The following CNTN5 variants were observed in gnomAD, a reference collection of about 807,000 sequenced individuals.
CNTN5 encodes contactin-5.
In CNTN5, 77 loss-of-function variants were observed where a neutral mutation model predicts 129.1. The observed-to-expected ratio is 0.60, with a 90% CI of 0.50 to 0.72. CNTN5 has a LOEUF of 0.72. Ranked by LOEUF, CNTN5 falls within the 30% of genes least tolerant of loss-of-function variation. CNTN5 has a pLI of 0.00. For synonymous variants in CNTN5, 509 were observed against 465.6 expected (o/e 1.09, Z -1.20); for missense variants, 1,478 against 1,328.8 (o/e 1.11, Z -1.75).
intron 3 of CNTN5, among the ~76,000 whole-genome samples, chr11:99,609,995 T>C (rs73539192): frequency 0.025 from 3,745 of 152,234 alleles, 164 homozygotes; most frequent in African/African-American, 0.085. Context: ...CCTTATAACA[T>C]GTTTATAAGA....
At chr11:99,355,653 A>G (rs1358459902) in intron 2 of CNTN5, among the ~76,000 whole-genome samples, 1 of 152,048 alleles carries the variant, frequency 6.6e-6, no homozygotes, top group Non-Finnish European at 1.5e-5. Flanking sequence ...AAAATTTTGA[A>G]AAGTGGTTTT....
At chr11:99,732,084 G>A (rs1331693454) in intron 3 of CNTN5, among the ~76,000 whole-genome samples, 1 of 152,144 alleles carries the variant, frequency 6.6e-6, no homozygotes, top group Non-Finnish European at 1.5e-5. Context: ...AAGACAAATA[G>A]TTGAATTCAT....
At chr11:99,177,704 A>G (rs1245701891) in intron 1 of CNTN5, among the ~76,000 whole-genome samples, 1 of 152,204 alleles carries the variant, frequency 6.6e-6, no homozygotes, top group Non-Finnish European at 1.5e-5. Context: ...GAGAAGGAAA[A>G]AAATGTATAT....
intron 1 of CNTN5, among the ~76,000 whole-genome samples, chr11:99,276,127 T>C (rs1036393333): frequency 1.3e-5 from 2 of 151,692 alleles, no homozygotes; most frequent in Non-Finnish European, 3.0e-5. Flanking sequence ...CTTTTCTCAA[T>C]TATCTCATTG....
intron 3 of CNTN5, among the ~76,000 whole-genome samples, chr11:99,595,497 A>C (rs543437184): frequency 6.6e-6 from 1 of 152,280 alleles, no homozygotes; most frequent in Non-Finnish European, 1.5e-5. Flanking sequence ...CTTTTAAACA[A>C]GTATCAACAT....
At chr11:99,759,868 C>T (rs986329081) in intron 3 of CNTN5, among the ~76,000 whole-genome samples, 43 of 151,936 alleles carry the variant, frequency 2.8e-4, no homozygotes, top group Admixed American at 2.1e-3. Context: ...ATGAAGAACA[C>T]GTGAAATATT....
At chr11:99,730,723 A>G (rs1478572887) in intron 3 of CNTN5, among the ~76,000 whole-genome samples, 2 of 152,230 alleles carry the variant, frequency 1.3e-5, no homozygotes, top group South Asian at 4.1e-4. Context: ...GTGATGATGC[A>G]TGCATACAAT....
intron 3 of CNTN5, among the ~76,000 whole-genome samples, chr11:99,637,194 T>G (rs1451573996): frequency 6.6e-6 from 1 of 151,626 alleles, no homozygotes; most frequent in Non-Finnish European, 1.5e-5. Flanking sequence ...TGAGACAGTT[T>G]ATAGTAGCAA....
intron 6 of CNTN5, among the ~76,000 whole-genome samples, chr11:99,909,346 C>G (rs888838099): frequency 6.6e-6 from 1 of 152,092 alleles, no homozygotes; most frequent in Admixed American, 6.6e-5. Flanking sequence ...AATAGGAACA[C>G]TTTTACACTG....
At chr11:99,367,947 C>T (rs1247098581) in intron 2 of CNTN5, among the ~76,000 whole-genome samples, 4 of 152,052 alleles carry the variant, frequency 2.6e-5, no homozygotes, top group African/African-American at 9.7e-5. Flanking sequence ...TTTATTAAGG[C>T]TATCCCAATT....
intron 13 of CNTN5, among the ~76,000 whole-genome samples, chr11:100,180,133 G>T (rs1948092797): frequency 6.6e-6 from 1 of 151,980 alleles, no homozygotes; most frequent in South Asian, 2.1e-4. Context: ...AATATCTCAT[G>T]AGAATCAAGA....
At chr11:99,096,983 A>T in intron 1 of CNTN5, among the ~76,000 whole-genome samples, 1 of 152,006 alleles carries the variant, frequency 6.6e-6, no homozygotes, top group South Asian at 2.1e-4. Flanking sequence ...AATCACAATC[A>T]TATCTGTTGT....
At chr11:99,796,260 C>A (rs560741252) in intron 3 of CNTN5, among the ~76,000 whole-genome samples, 1 of 152,254 alleles carries the variant, frequency 6.6e-6, no homozygotes, top group South Asian at 2.1e-4. Flanking sequence ...TTTGCACCAG[C>A]AATGGTGGCA....
At chr11:99,743,670 A>G (rs1227408236) in intron 3 of CNTN5, among the ~76,000 whole-genome samples, 3 of 152,268 alleles carry the variant, frequency 2.0e-5, no homozygotes, top group South Asian at 2.1e-4. Context: ...CATACTTTAC[A>G]GGGAGACTTC....
At chr11:99,283,701 G>A (rs1166898823) in intron 1 of CNTN5, among the ~76,000 whole-genome samples, 3 of 152,198 alleles carry the variant, frequency 2.0e-5, no homozygotes, top group African/African-American at 7.2e-5. Context: ...TGGAATTGCT[G>A]TAGGAAACAA....
At chr11:99,265,828 T>C (rs1862859318) in intron 1 of CNTN5, among the ~76,000 whole-genome samples, 1 of 152,048 alleles carries the variant, frequency 6.6e-6, no homozygotes, top group African/African-American at 2.4e-5. Context: ...TAAAATCTCA[T>C]TCACTCGGTA....
At chr11:100,279,430 A>G (rs1950583438) in intron 18 of CNTN5, among the ~76,000 whole-genome samples, 1 of 151,930 alleles carries the variant, frequency 6.6e-6, no homozygotes, top group South Asian at 2.1e-4. Context: ...CAGTGAAGCC[A>G]TTGAGTCTGA....
At chr11:100,331,659 T>C (rs901432707) in intron 21 of CNTN5, among the ~76,000 whole-genome samples, 5 of 152,018 alleles carry the variant, frequency 3.3e-5, no homozygotes, top group African/African-American at 4.8e-5. Flanking sequence ...TGGAATAAAA[T>C]TGGAGATGAG....
intron 1 of CNTN5, among the ~76,000 whole-genome samples, chr11:99,087,502 A>ATG (rs1866050902): frequency 6.6e-6 from 1 of 152,224 alleles, no homozygotes; most frequent in African/African-American, 2.4e-5. Context: ...AAACAAGCAC[A>ATG]GAAACAATTG....
Sources: allele counts gnomAD v4.1 joint callset (sites outside exome capture counted in the v4.1 genomes callset), GRCh38; gene constraint gnomAD v4.1.1; transcripts MANE v1.5; gene names NCBI Gene and HGNC (gene_info 2026-07-23, HGNC 2026-07-21).